The following GRID2 variants were observed in gnomAD, a reference collection of about 807,000 sequenced individuals.
GRID2 encodes glutamate ionotropic receptor delta type subunit 2.
A neutral mutation model predicts 114.8 loss-of-function variants in GRID2; 33 were observed. That is an observed-to-expected ratio of 0.29 (90% CI 0.22 to 0.38). The LOEUF is 0.38. GRID2 is among the 10% of genes least tolerant of loss of function. The pLI is 1.00. For synonymous variants in GRID2, 505 were observed against 449.9 expected (o/e 1.12, Z -1.55); for missense variants, 1,184 against 1,257.7 (o/e 0.94, Z 0.89).
chr4:93,006,417 A>G (rs910008236), intron 2 of GRID2, among the ~76,000 whole-genome samples: 3 of 152,058 alleles, frequency 2.0e-5, no homozygotes, highest in African/African-American at 7.2e-5. Context: ...TATTGAGCAC[A>G]GATATAAGAA....
At chr4:92,560,112 T>C (rs1187880067) in intron 1 of GRID2, among the ~76,000 whole-genome samples, 1 of 152,160 alleles carries the variant, frequency 6.6e-6, no homozygotes, top group Non-Finnish European at 1.5e-5. Flanking sequence ...ACATATCTCC[T>C]CCATATTCCA....
chr4:92,915,874 G>C (rs370397226), intron 2 of GRID2, among the ~76,000 whole-genome samples: 3 of 152,100 alleles, frequency 2.0e-5, no homozygotes, highest in South Asian at 4.1e-4. Flanking sequence ...CTTATGAAAC[G>C]TATCTGTTTA....
chr4:92,336,771 T>C (rs1026481441), intron 1 of GRID2, among the ~76,000 whole-genome samples: 6 of 152,172 alleles, frequency 3.9e-5, no homozygotes, highest in African/African-American at 1.4e-4. Context: ...CTCTTATCTT[T>C]TGCTTTTTTA....
intron 4 of GRID2, among the ~76,000 whole-genome samples, chr4:93,137,608 G>A (rs1203248669): frequency 6.6e-6 from 1 of 152,084 alleles, no homozygotes; most frequent in Admixed American, 6.6e-5. Context: ...CCTTGTATGT[G>A]GTTTGAGATG....
At position 93,539,805 on chromosome 4, in the gene GRID2, T is replaced by G. The variant is rs116600650; in HGVS notation, c.2193+24394T>G. Reference sequence around the variant, plus strand: ...GTCAGAAATATGTCTGATGGGTTTTTTTTGTTTGTTTGTTTGTGTGCTCTG... The same window carrying G: ...GTCAGAAATATGTCTGATGGGTTTTGTTTGTTTGTTTGTTTGTGTGCTCTG... On this transcript the variant is annotated intron_variant, in intron 13 of 15. Coordinates refer to ENST00000282020, the MANE Select transcript of GRID2 (RefSeq NM_001510.4). 5.4e-3 allele frequency among the ~76,000 whole-genome samples: 815 copies of G among 152,100 alleles called. 6 individuals carry two copies. Among genetic ancestry groups the G allele is most frequent in the African/African-American group, 0.019 (773 of 41,546 alleles).
chr4:92,881,879 T>C (rs1746046093), intron 2 of GRID2, among the ~76,000 whole-genome samples: 1 of 152,250 alleles, frequency 6.6e-6, no homozygotes, highest in Non-Finnish European at 1.5e-5. Context: ...AAAAGTATTA[T>C]ACTTTTAAAC....
intron 2 of GRID2, among the ~76,000 whole-genome samples, chr4:92,718,858 T>C (rs1735674002): frequency 6.6e-6 from 1 of 151,934 alleles, no homozygotes; most frequent in South Asian, 2.1e-4. Context: ...TATTATCTTC[T>C]GAACTTAAAG....
At chr4:92,469,631 C>T (rs1485354495) in intron 1 of GRID2, among the ~76,000 whole-genome samples, 1 of 151,546 alleles carries the variant, frequency 6.6e-6, no homozygotes. Flanking sequence ...ATACAGAAGG[C>T]CGATTGTAAC....
intron 2 of GRID2, among the ~76,000 whole-genome samples, chr4:92,666,650 G>GTTTTTTGTTTTTTTTTTTTT (rs1286942855): frequency 1.0e-4 from 7 of 68,594 alleles, no homozygotes; most frequent in African/African-American, 3.7e-4. Flanking sequence ...CTTAAGGGTT[G>GTTTTTTGTTTTTTTTTTTTT]TTTTTTTTTT....
chr4:93,228,522 A>G (rs1011657746), intron 7 of GRID2, among the ~76,000 whole-genome samples: 1 of 152,214 alleles, frequency 6.6e-6, no homozygotes, highest in Non-Finnish European at 1.5e-5. Flanking sequence ...TTTGCCAAGG[A>G]TAATTTTAAT....
At chr4:93,206,621 CA>C (rs1742821627) in intron 4 of GRID2, among the ~76,000 whole-genome samples, 1 of 151,752 alleles carries the variant, frequency 6.6e-6, no homozygotes, top group African/African-American at 2.4e-5. Flanking sequence ...CACACACACA[CA>C]CACACACGCA....
At chr4:92,461,264 T>A (rs1328896964) in intron 1 of GRID2, among the ~76,000 whole-genome samples, 1 of 151,772 alleles carries the variant, frequency 6.6e-6, no homozygotes, top group African/African-American at 2.4e-5. Flanking sequence ...CATTGATAGG[T>A]TCTTGGAAAC....
chr4:92,612,338 G>T (rs1729795457), intron 2 of GRID2, among the ~76,000 whole-genome samples: 1 of 151,354 alleles, frequency 6.6e-6, no homozygotes, highest in Admixed American at 6.6e-5. Context: ...CTTTATGCTA[G>T]TACCATATTG....
chr4:92,531,803 T>C (rs1224335896), intron 1 of GRID2, among the ~76,000 whole-genome samples: 1 of 152,110 alleles, frequency 6.6e-6, no homozygotes, highest in Non-Finnish European at 1.5e-5. Flanking sequence ...TTCTTCATTT[T>C]TAAACTTATC....
intron 2 of GRID2, among the ~76,000 whole-genome samples, chr4:92,656,314 G>C (rs996862701): frequency 6.6e-6 from 1 of 151,324 alleles, no homozygotes; most frequent in Non-Finnish European, 1.5e-5. Flanking sequence ...TCTTTTTGAT[G>C]TCATTACCAG....
intron 1 of GRID2, among the ~76,000 whole-genome samples, chr4:92,575,202 T>C (rs1236668428): frequency 6.6e-6 from 1 of 152,252 alleles, no homozygotes; most frequent in Non-Finnish European, 1.5e-5. Flanking sequence ...ATTTTGCCTG[T>C]CAGCCCCTGT....
At chr4:93,502,696 C>G (rs1180874784) in intron 12 of GRID2, among the ~76,000 whole-genome samples, 2 of 137,680 alleles carry the variant, frequency 1.5e-5, no homozygotes, top group African/African-American at 2.9e-5. Context: ...TTTAATGGCT[C>G]TCTCCTCCAC....
At chr4:93,592,044 G>T (rs1738397655) in intron 13 of GRID2, among the ~76,000 whole-genome samples, 2 of 152,018 alleles carry the variant, frequency 1.3e-5, no homozygotes, top group African/African-American at 4.8e-5. Flanking sequence ...GGTATTTTGT[G>T]TCTCTATTTC....
At chr4:92,607,004 A>C (rs1173982005) in intron 2 of GRID2, among the ~76,000 whole-genome samples, 2 of 151,996 alleles carry the variant, frequency 1.3e-5, no homozygotes, top group Non-Finnish European at 2.9e-5. Context: ...GAGTGGCAGC[A>C]CCCCTTCCAA....
Sources: allele counts gnomAD v4.1 joint callset (sites outside exome capture counted in the v4.1 genomes callset), GRCh38; gene constraint gnomAD v4.1.1; transcripts MANE v1.5; gene names NCBI Gene and HGNC (gene_info 2026-07-23, HGNC 2026-07-21).